Variants in MRC1 observed in about 807,000 individuals in gnomAD.
The protein encoded by MRC1 is mannose receptor C-type 1, also known as macrophage mannose receptor 1.
In MRC1, 62 loss-of-function variants were observed where a neutral mutation model predicts 102.9. The observed-to-expected ratio is 0.60, with a 90% CI of 0.49 to 0.74. The LOEUF (loss-of-function observed/expected upper bound fraction) is 0.74, where lower values mean the gene tolerates loss of function less well. Among genes scored for constraint, MRC1 ranks in the 30% least tolerant of loss-of-function variants. The probability of loss-of-function intolerance (pLI) is 0.00; values close to 1 mark genes in which losing one functional copy is unlikely to be tolerated. For missense variants in MRC1, 1,237 were observed against 862.8 expected (o/e 1.43, Z -5.43); for synonymous variants, 457 against 298.4 (o/e 1.53, Z -5.48).
At position 17,840,739 on chromosome 10, in the gene MRC1, T is replaced by G; in HGVS notation, c.849T>G (p.Ser283Arg). The stretch of plus-strand genomic sequence containing the variant: ...CAGGACTCTGGATTGGACTTAACAG[T>G]CTGAGCTTCAACAGCGGTTGGCAGT... Reference protein sequence around the residue: ...LTSGLWIGLNSLSFNSGWQWS... With the variant: ...LTSGLWIGLNRLSFNSGWQWS... The change falls in exon 5 of 30, where the codon AGT becomes AGG. Residue 283 changes from serine (S) to arginine (R), a missense_variant. Ser to Arg is a moderately radical substitution (Grantham distance 110). Transcript: ENST00000569591. The G allele has an allele frequency of 1.3e-6, 1 of 780,886 alleles. No homozygotes were observed. The highest frequency in any genetic ancestry group is 2.4e-6 in the Non-Finnish European group (1 of 417,954). The allele number at this position is 780,886 out of a possible 1,614,324, so 48.4% of individuals were successfully genotyped here. A position where few individuals can be genotyped will look rare whatever the true frequency, so the allele number is the denominator to read the frequency against.
At chr10:17,828,447 AAC>A (rs1312525790) in intron 3 of MRC1, among the ~76,000 whole-genome samples, 3 of 151,492 alleles carry the variant, frequency 2.0e-5, no homozygotes, top group Non-Finnish European at 4.4e-5. Context: ...GTATATACTT[AAC>A]ACGGGAGGTA....
chr10:17,896,315 A>G (rs1348576568), intron 23 of MRC1, among the ~76,000 whole-genome samples: 4 of 152,190 alleles, frequency 2.6e-5, no homozygotes, highest in Non-Finnish European at 5.9e-5. Flanking sequence ...TACTCCTGCA[A>G]TCCTAACCTT....
intron 2 of MRC1, 122 bp downstream of exon 2, chr10:17,823,597 T>C: frequency 1.4e-6 from 1 of 732,826 alleles, no homozygotes; most frequent in South Asian, 1.6e-5. Flanking sequence ...TTGATCAGCA[T>C]CTTTGTGTTT....
intron 18 of MRC1, among the ~76,000 whole-genome samples, chr10:17,878,466 G>A (rs1833467376): frequency 6.6e-6 from 1 of 152,040 alleles, no homozygotes; most frequent in African/African-American, 2.4e-5. Flanking sequence ...AGATATAGGA[G>A]CCAGAAAAAG....
At chr10:17,847,854 G>A (rs1838848834) in intron 6 of MRC1, among the ~76,000 whole-genome samples, 1 of 151,776 alleles carries the variant, frequency 6.6e-6, no homozygotes, top group African/African-American at 2.4e-5. Context: ...CAATTTCCTA[G>A]GTAGCAAAAT....
intron 9 of MRC1, among the ~76,000 whole-genome samples, chr10:17,857,041 G>A (rs1381099406): frequency 6.6e-6 from 1 of 152,142 alleles, no homozygotes; most frequent in Non-Finnish European, 1.5e-5. Context: ...AAATGAAGTA[G>A]AAACTATTTT....
chr10:17,887,340 G>A (rs1833612471), intron 22 of MRC1, among the ~76,000 whole-genome samples: 1 of 152,166 alleles, frequency 6.6e-6, no homozygotes, highest in Non-Finnish European at 1.5e-5. Context: ...GTAGTGAGCC[G>A]AGATCGCGCC....
chr10:17,910,731 T>C lies in MRC1; in HGVS notation c.*266T>C. On this transcript the variant is annotated 3_prime_UTR_variant, in exon 30 of 30. Transcript: ENST00000569591. ...CCACAGCACCACATCTAAGCATTAG[T>C]GATGGGTAGCTGATGTCAGCTTCAT... 2.1e-6 allele frequency: 1 copy of C among 482,706 alleles called. No homozygotes were observed. Among genetic ancestry groups the C allele is most frequent in the South Asian group, 2.2e-5 (1 of 44,838 alleles). 29.9% of individuals were successfully genotyped at this position (482,706 alleles called of 1,614,324 possible).
intron 2 of MRC1, 70 bp downstream of exon 2, chr10:17,823,545 A>G: frequency 1.3e-6 from 1 of 776,302 alleles, no homozygotes; most frequent in Non-Finnish European, 2.4e-6. Context: ...CTGATTCAAG[A>G]AAATCATCAT....
intron 1 of MRC1, among the ~76,000 whole-genome samples, chr10:17,816,857 C>T (rs1838320184): frequency 6.6e-6 from 1 of 152,150 alleles, no homozygotes; most frequent in African/African-American, 2.4e-5. Context: ...ATACTTATCT[C>T]CCTGAACAAT....
At chr10:17,840,044 C>T (rs1473933000) in intron 4 of MRC1, among the ~76,000 whole-genome samples, 7 of 125,322 alleles carry the variant, frequency 5.6e-5, no homozygotes, top group Non-Finnish European at 9.4e-5. Context: ...CCAGCCTGGG[C>T]GACAGTGCAA....
intron 5 of MRC1, among the ~76,000 whole-genome samples, chr10:17,842,536 G>A (rs1838767199): frequency 6.6e-6 from 1 of 152,134 alleles, no homozygotes; most frequent in African/African-American, 2.4e-5. Flanking sequence ...AAGACTTACT[G>A]CAAGGGAATA....
intron 22 of MRC1, among the ~76,000 whole-genome samples, chr10:17,893,719 A>G (rs901256463): frequency 6.0e-4 from 91 of 152,364 alleles, no homozygotes; most frequent in Non-Finnish European, 9.7e-4. Context: ...CCCCTGTAAG[A>G]CTATAAATAA....
At chr10:17,907,486 A>G (rs575644254) in intron 27 of MRC1, 48 bp from the exon 28 acceptor site, 1 of 779,612 alleles carries the variant, frequency 1.3e-6, no homozygotes, top group Admixed American at 1.7e-5. Flanking sequence ...TTATTTTAAG[A>G]TAGGTTATAT....
chr10:17,908,925 G>A (rs1833932616), intron 28 of MRC1, among the ~76,000 whole-genome samples: 1 of 152,138 alleles, frequency 6.6e-6, no homozygotes, highest in African/African-American at 2.4e-5. Flanking sequence ...GCTTCAGCAG[G>A]CTAATTTCAA....
chr10:17,815,305 G>C (rs1838293957), intron 1 of MRC1, among the ~76,000 whole-genome samples: 1 of 152,204 alleles, frequency 6.6e-6, no homozygotes, highest in South Asian at 2.1e-4. Flanking sequence ...ATTATGTCAT[G>C]ATCAGATTGA....
At chr10:17,877,996 G>T (rs941900119) in intron 18 of MRC1, 29 bp downstream of exon 18, 2 of 871,548 alleles carry the variant, frequency 2.3e-6, no homozygotes, top group African/African-American at 1.6e-5. Flanking sequence ...AAACAACTTT[G>T]CTTGGGTTAG....
At chr10:17,898,691 C>T (rs1833788367) in intron 24 of MRC1, among the ~76,000 whole-genome samples, 1 of 152,176 alleles carries the variant, frequency 6.6e-6, no homozygotes, top group African/African-American at 2.4e-5. Flanking sequence ...GTTGTAGGTC[C>T]TGAGGTTGTG....
At chr10:17,901,845 A>C in intron 25 of MRC1, 128 bp from the exon 26 acceptor site, 1 of 753,522 alleles carries the variant, frequency 1.3e-6, no homozygotes, top group Non-Finnish European at 2.5e-6. Context: ...TGGTGATCCA[A>C]ATGATAACCA....
Sources: gnomAD v4.1 joint callset for allele counts (sites outside exome capture counted in the v4.1 genomes callset) on GRCh38, gnomAD v4.1.1 for gene constraint, MANE v1.5 for transcripts, NCBI Gene and HGNC (gene_info 2026-07-23, HGNC 2026-07-21) for gene names.